HEATR5A: variants seen among roughly 807,000 people sequenced by gnomAD.
HEATR5A encodes the protein HEAT repeat containing 5A.
Under a neutral mutation model 218.8 loss-of-function variants are expected in HEATR5A, and 178 were observed. The ratio of observed to expected loss-of-function variants is 0.81; its 90% CI spans 0.72 to 0.92. The LOEUF is 0.92. HEATR5A is among the 40% of genes least tolerant of loss of function. The pLI is 0.00. For missense variants in HEATR5A, 2,420 were observed against 2,418.9 expected, an observed-to-expected ratio of 1.00 and a Z score of -0.01; for synonymous variants, 864 against 871.6, an observed-to-expected ratio of 0.99 and a Z score of 0.15.
chr14:31,385,509 T>C (rs1245711718), intron 9 of HEATR5A, among the ~76,000 whole-genome samples: 4 of 152,134 alleles, frequency 2.6e-5, no homozygotes, highest in Non-Finnish European at 5.9e-5. Context: ...TTTTTTAACA[T>C]GAAATATCCA....
At chr14:31,388,711 C>T (rs1020262751) in intron 7 of HEATR5A, 134 bp downstream of exon 7, 1 of 593,888 alleles carries the variant, frequency 1.7e-6, no homozygotes, top group Non-Finnish European at 2.8e-6. Flanking sequence ...TTTGGCCTTA[C>T]CATTTATATC....
intron 13 of HEATR5A, among the ~76,000 whole-genome samples, chr14:31,371,092 ACATTCATTCATT>A (rs373966140): frequency 6.6e-6 from 1 of 152,172 alleles, no homozygotes; most frequent in Non-Finnish European, 1.5e-5. Context: ...GAACACAGCC[ACATTCATTCATT>A]CATTCATTCA....
At chr14:31,402,283 AAAAGT>A (rs1292584335) in intron 2 of HEATR5A, among the ~76,000 whole-genome samples, 1 of 152,220 alleles carries the variant, frequency 6.6e-6, no homozygotes, top group African/African-American at 2.4e-5. Flanking sequence ...GACGTAGGCT[AAAAGT>A]AAAGTGCCAC....
rs1181528176 is a variant in HEATR5A at position 31,293,265 on chromosome 14, T to C, written c.*40A>G. The C allele has an allele frequency of 6.9e-7, 1 of 1,447,578 alleles. No individual in the cohort carries two copies. Among genetic ancestry groups the C allele is most frequent in the East Asian group, 2.3e-5 (1 of 43,938 alleles). The allele number at this position is 1,447,578 out of a possible 1,614,324, so 89.7% of individuals were successfully genotyped here. A position where few individuals can be genotyped will look rare whatever the true frequency, so the allele number is the denominator to read the frequency against. On this transcript the variant is annotated 3_prime_UTR_variant, in exon 36 of 36. Coordinates refer to ENST00000543095, the MANE Select transcript of HEATR5A (RefSeq NM_015473.4). Reference sequence around the variant, plus strand: ...TTTGTCACCAAAGGCAATGATCAAGTATTTATTATATTAAGGTGCTTACTA... The same window carrying C: ...TTTGTCACCAAAGGCAATGATCAAGCATTTATTATATTAAGGTGCTTACTA...
chr14:31,389,416 T>C (rs992616489), intron 6 of HEATR5A, among the ~76,000 whole-genome samples: 4 of 152,222 alleles, frequency 2.6e-5, no homozygotes, highest in Admixed American at 2.6e-4. Flanking sequence ...CCAAATGCTG[T>C]ACAACTGTCA....
At chr14:31,404,281 T>C (rs2030980682) in intron 1 of HEATR5A, among the ~76,000 whole-genome samples, 1 of 152,204 alleles carries the variant, frequency 6.6e-6, no homozygotes. Flanking sequence ...GGAATGTAGA[T>C]AAAATGCTAT....
rs561410082 is a variant in HEATR5A, at chr14:31,335,914, C to T, written c.3367+1562G>A. Among the ~76,000 whole-genome samples, 88 of 151,704 alleles carry T rather than the reference C, an allele frequency of 5.8e-4. 2 individuals carry two copies. In the South Asian group the frequency reaches 0.017, roughly 29 times the overall value. ...CGGTGATCTGCCCACCTCGGCCTCC[C>T]GAAGTACTGGGATTACAAGCGTGAG... On this transcript the variant is annotated intron_variant, in intron 22 of 35. Transcript: ENST00000543095.
chr14:31,333,170 G>C (rs1900532795), intron 22 of HEATR5A, among the ~76,000 whole-genome samples: 1 of 152,100 alleles, frequency 6.6e-6, no homozygotes, highest in Admixed American at 6.6e-5. Flanking sequence ...AAAAATGCAA[G>C]ATAAAGCAGC....
chr14:31,358,369 C>G (rs892378785), intron 16 of HEATR5A, among the ~76,000 whole-genome samples: 1 of 152,130 alleles, frequency 6.6e-6, no homozygotes, highest in Admixed American at 6.6e-5. Flanking sequence ...GCTCATAAAT[C>G]AGTATCTTAT....
At chr14:31,319,068 A>G (rs190040862) in intron 25 of HEATR5A, among the ~76,000 whole-genome samples, 4 of 152,330 alleles carry the variant, frequency 2.6e-5, no homozygotes, top group Admixed American at 6.5e-5. Flanking sequence ...TATTTCTAGC[A>G]CTTGCGATTG....
chr14:31,368,378 G>A (rs977205014), intron 13 of HEATR5A, among the ~76,000 whole-genome samples: 5 of 152,090 alleles, frequency 3.3e-5, no homozygotes, highest in African/African-American at 1.2e-4. Context: ...CCAGCCTCAG[G>A]TATTTTGTGA....
At chr14:31,414,361 C>A (rs1009287816) in intron 1 of HEATR5A, among the ~76,000 whole-genome samples, 1 of 152,156 alleles carries the variant, frequency 6.6e-6, no homozygotes, top group Non-Finnish European at 1.5e-5. Context: ...CCATCAAAGC[C>A]TATTCATTCT....
chr14:31,419,896 G>C (rs2031584887), intron 1 of HEATR5A, among the ~76,000 whole-genome samples: 2 of 152,240 alleles, frequency 1.3e-5, no homozygotes, highest in Admixed American at 1.3e-4. Context: ...GCAACAGTTA[G>C]AAAGCAAATA....
intron 1 of HEATR5A, among the ~76,000 whole-genome samples, chr14:31,407,598 A>ATATATATATT (rs2031121851): frequency 3.6e-3 from 2 of 552 alleles, no homozygotes; most frequent in African/African-American, 7.2e-3. Context: ...ATATATATAT[A>ATATATATATT]TATATATATA....
chr14:31,404,508 C>T (rs1164875857), intron 1 of HEATR5A, among the ~76,000 whole-genome samples: 4 of 152,074 alleles, frequency 2.6e-5, no homozygotes, highest in Admixed American at 2.0e-4. Flanking sequence ...CTGAAAAAAG[C>T]CTCTTTAATA....
At chr14:31,399,079 T>C (rs185148589) in intron 3 of HEATR5A, among the ~76,000 whole-genome samples, 12 of 152,352 alleles carry the variant, frequency 7.9e-5, no homozygotes, top group African/African-American at 2.4e-4. Context: ...CTTACATCTA[T>C]GATCAATTTT....
chr14:31,343,834 C>T, intron 21 of HEATR5A, 62 bp downstream of exon 21: 2 of 1,317,732 alleles, frequency 1.5e-6, no homozygotes, highest in Non-Finnish European at 2.1e-6. Context: ...AAAATGTGTA[C>T]TGGAATAAAT....
intron 12 of HEATR5A, among the ~76,000 whole-genome samples, chr14:31,372,468 C>A (rs1437091157): frequency 6.6e-6 from 1 of 152,160 alleles, no homozygotes; most frequent in Non-Finnish European, 1.5e-5. Flanking sequence ...AGGATTGAGA[C>A]ATGGTGTCTG....
At chr14:31,356,892 G>A (rs1016081130) in intron 16 of HEATR5A, among the ~76,000 whole-genome samples, 2 of 152,046 alleles carry the variant, frequency 1.3e-5, no homozygotes, top group Admixed American at 1.3e-4. Flanking sequence ...CAAAGATAGT[G>A]GAACCATTTA....
Sources: gnomAD v4.1 joint callset for allele counts (sites outside exome capture counted in the v4.1 genomes callset) on GRCh38, gnomAD v4.1.1 for gene constraint, MANE v1.5 for transcripts, NCBI Gene and HGNC (gene_info 2026-07-23, HGNC 2026-07-21) for gene names.